ZC2HC1B: variants seen among roughly 807,000 people sequenced by gnomAD.
ZC2HC1B encodes zinc finger C2HC-type containing 1B.
Under a neutral mutation model 31.0 loss-of-function variants are expected in ZC2HC1B, and 36 were observed. The ratio of observed to expected loss-of-function variants is 1.16; its 90% CI spans 0.89 to 1.54. The LOEUF (loss-of-function observed/expected upper bound fraction) is 1.54. ZC2HC1B is among the 40% of genes most tolerant of loss of function. The pLI is 0.00. For missense variants in ZC2HC1B, 260 were observed against 268.6 expected, an observed-to-expected ratio of 0.97 and a Z score of 0.22; for synonymous variants, 73 against 88.0, an observed-to-expected ratio of 0.83 and a Z score of 0.95.
chr6:143,886,808 A>G lies in ZC2HC1B; in HGVS notation c.336A>G (p.Pro112=). The G allele has an allele frequency of 6.5e-7, 1 of 1,531,714 alleles. No homozygotes were observed. 94.9% of individuals were successfully genotyped at this position (1,531,714 alleles called of 1,614,324 possible). Residue 112 remains proline (P), a synonymous_variant, in exon 4 of 8, where the codon CCA becomes CCG. Coordinates refer to ENST00000237275, the MANE Select transcript of ZC2HC1B (RefSeq NM_001013623.3). The surrounding 1 kb of genome is among the most constrained non-coding windows in gnomAD (Gnocchi z 4.2). The part of the protein sequence containing the change: ...EGRPLPPPPP[P]SLNPDYIQRP... ...GACCCCTCCCACCTCCACCCCCTCC[A>G]TCCTTGAACCCAGGTGTGTAGACAT...
chr6:143,923,159 T>C lies in ZC2HC1B; in HGVS notation c.599-14490T>C, dbSNP rs1020344525. Reference sequence around the variant, plus strand: ...CCTGTTGTCCATTTTTAAGTCCTTTTTTTTTTCCCTGTAACCAGGGGTGAG... The same window carrying C: ...CCTGTTGTCCATTTTTAAGTCCTTTCTTTTTTCCCTGTAACCAGGGGTGAG... On this transcript the variant is annotated intron_variant, in intron 6 of 7. Coordinates refer to ENST00000237275, the MANE Select transcript of ZC2HC1B (RefSeq NM_001013623.3). This position sits in a 1 kb window ranked among gnomAD's most constrained non-coding sequence, Gnocchi z 4.8. Among the ~76,000 whole-genome samples the C allele has an allele frequency of 1.3e-5, 2 of 152,130 alleles. No homozygotes were observed. Among genetic ancestry groups the C allele is most frequent in the Admixed American group, 1.3e-4 (2 of 15,270 alleles).
chr6:143,909,530 CTT>C (rs573480397), intron 6 of ZC2HC1B, among the ~76,000 whole-genome samples: 22 of 127,190 alleles, frequency 1.7e-4, no homozygotes, highest in Admixed American at 3.1e-4. Flanking sequence ...TGGTCCTGGG[CTT>C]TTTTTTTTTT....
intron 4 of ZC2HC1B, among the ~76,000 whole-genome samples, chr6:143,894,019 A>G (rs1446353454): frequency 6.6e-6 from 1 of 152,210 alleles, no homozygotes; most frequent in African/African-American, 2.4e-5. Context: ...TTAAACATAC[A>G]CTTAGCCTAT....
rs1456356043 is a variant in ZC2HC1B at position 143,919,263 on chromosome 6, G to GTA, written c.598+16112_598+16113insAT. Among the ~76,000 whole-genome samples the GTA allele has an allele frequency of 3.6e-3, 510 of 141,992 alleles. 2 individuals carry two copies. The highest frequency in any genetic ancestry group is 4.5e-3 in the Non-Finnish European group (288 of 63,542). 93.2% of individuals were successfully genotyped at this position (141,992 alleles called of 152,430 possible). ...TGTGTGTGTGTGTGTGTGTGTGTGTGTGTATGTGACTGTCTCTGTGCCAAG... is the reference window on the plus strand; with the variant it reads ...TGTGTGTGTGTGTGTGTGTGTGTGTGTATGTATGTGACTGTCTCTGTGCCAAG... On this transcript the variant is annotated intron_variant, in intron 6 of 7. Transcript: ENST00000237275.
Position 143,913,215 on chromosome 6 carries a change from C to T in ZC2HC1B, c.598+10063C>T, listed in dbSNP as rs754927875. ...TGCAGGCAGGTGTGGCTGGAGTGTCCAGCTAGAAGGTTCTACCCAGTGAGG... is the reference window on the plus strand; with the variant it reads ...TGCAGGCAGGTGTGGCTGGAGTGTCTAGCTAGAAGGTTCTACCCAGTGAGG... On this transcript the variant is annotated intron_variant, in intron 6 of 7. Transcript: ENST00000237275. The surrounding 1 kb of genome is among the most constrained non-coding windows in gnomAD (Gnocchi z 5.7). Among the ~76,000 whole-genome samples, 14 of 152,138 alleles carry T rather than the reference C, an allele frequency of 9.2e-5. No homozygotes were observed. The highest frequency in any genetic ancestry group is 1.9e-4 in the Non-Finnish European group (13 of 68,014).
rs527642776 is a variant in ZC2HC1B at position 143,887,162 on chromosome 6, T to TC, written c.349+343dup. Among the ~76,000 whole-genome samples the TC allele has an allele frequency of 3.4e-3, 521 of 152,190 alleles. 2 individuals are homozygous for TC. Among genetic ancestry groups the TC allele is most frequent in the African/African-American group, 0.012 (493 of 41,504 alleles). On this transcript the variant is annotated intron_variant, in intron 4 of 7. Transcript: ENST00000237275. The surrounding 1 kb of genome is among the most constrained non-coding windows in gnomAD (Gnocchi z 5.1). ...CAGATACCCACAGCAATTTTTTTTT[T>TC]CCAGGTAAAATTCCCAAAACATGAA...
Position 143,915,009 on chromosome 6 carries a change from G to C in ZC2HC1B, c.598+11857G>C, listed in dbSNP as rs1777900861. Among the ~76,000 whole-genome samples the C allele has an allele frequency of 6.6e-6, 1 of 152,170 alleles. No homozygotes were observed. Among genetic ancestry groups the C allele is most frequent in the African/African-American group, 2.4e-5 (1 of 41,428 alleles). ...CATTTCAAGTAATTACTGATAAGGA[G>C]AGACATTTGTCATTCTGGTATATGT... On this transcript the variant is annotated intron_variant, in intron 6 of 7. Transcript: ENST00000237275. This position sits in a 1 kb window ranked among gnomAD's most constrained non-coding sequence, Gnocchi z 5.2.
intron 5 of ZC2HC1B, among the ~76,000 whole-genome samples, chr6:143,902,063 C>T (rs1384026877): frequency 2.6e-5 from 4 of 152,134 alleles, no homozygotes; most frequent in Admixed American, 6.5e-5. Context: ...CCCCACTCCT[C>T]TCCTTGTTTT....
Position 143,884,415 on chromosome 6 carries a change from T to C in ZC2HC1B, c.90+50T>C, listed in dbSNP as rs969118213. ...TGTGTTTCATTGGACTTAAATGAACTGTCAAGTCAGTGAGGAGGCGGCAGT... is the reference window on the plus strand; with the variant it reads ...TGTGTTTCATTGGACTTAAATGAACCGTCAAGTCAGTGAGGAGGCGGCAGT... On this transcript the variant is annotated intron_variant, in intron 2 of 7. Coordinates refer to ENST00000237275, the MANE Select transcript of ZC2HC1B (RefSeq NM_001013623.3). The surrounding 1 kb of genome is among the most constrained non-coding windows in gnomAD (Gnocchi z 5.1). 1.1e-5 allele frequency: 17 copies of C among 1,485,266 alleles called. No individual in the cohort carries two copies. The highest frequency in any genetic ancestry group is 1.7e-4 in the Middle Eastern group (1 of 5,782). 92.0% of individuals were successfully genotyped at this position (1,485,266 alleles called of 1,614,324 possible).
chr6:143,898,706 C>T lies in ZC2HC1B; in HGVS notation c.489+15C>T. 1 of 1,551,870 alleles carries T rather than the reference C, an allele frequency of 6.4e-7. No individual in the cohort carries two copies. ...CCAGAGCTCAGGTAACTATCTCTCC[C>T]CAGGTGTTGGCTCTTGTGCCCTTGA... On this transcript the variant is annotated intron_variant, in intron 5 of 7. Coordinates refer to ENST00000237275, the MANE Select transcript of ZC2HC1B (RefSeq NM_001013623.3).
chr6:143,891,705 AAAAG>A (rs1273926370), intron 4 of ZC2HC1B, among the ~76,000 whole-genome samples: 6 of 152,040 alleles, frequency 3.9e-5, no homozygotes, highest in East Asian at 1.9e-4. Context: ...AAAAAAAAAA[AAAAG>A]AAAGAAAAAA....
chr6:143,891,130 C>CAAA (rs537109022), intron 4 of ZC2HC1B, among the ~76,000 whole-genome samples: 1 of 77,814 alleles, frequency 1.3e-5, no homozygotes. Flanking sequence ...GACTCCATCT[C>CAAA]AAAAAAAAAA....
In ZC2HC1B at chr6:143,898,563, C is replaced by T. The variant is rs114574606; in HGVS notation, c.361C>T (p.Arg121Cys). ...PPSLNPDYIQ[R>C]PYCMRRFNES... The stretch of plus-strand genomic sequence containing the variant: ...ATCTTTACATTCAGATTATATTCAA[C>T]GTCCATATTGTATGAGAAGGTTTAA... Residue 121 changes from arginine to cysteine, a missense_variant, in exon 5 of 8, where the codon CGT becomes TGT. By Grantham distance (180) the Arg-to-Cys change is radical. Transcript: ENST00000237275. 147 of 1,551,616 alleles carry T rather than the reference C, an allele frequency of 9.5e-5. 1 individual carries two copies. In the African/African-American group the frequency reaches 1.7e-3, roughly 18 times the overall value.
intron 6 of ZC2HC1B, among the ~76,000 whole-genome samples, chr6:143,916,413 G>C (rs1432241641): frequency 1.3e-5 from 2 of 152,338 alleles, no homozygotes; most frequent in East Asian, 3.9e-4. Flanking sequence ...TGTGGGGTCA[G>C]AGCCCCCACA....
At chr6:143,898,361 G>A (rs574200574) in intron 4 of ZC2HC1B, among the ~76,000 whole-genome samples, 191 bp from the exon 5 acceptor site, 57 of 151,990 alleles carry the variant, frequency 3.8e-4, no homozygotes, top group Middle Eastern at 3.4e-3. Flanking sequence ...GGGTTTTGCC[G>A]TGTTGCCCAG....
chr6:143,925,630 G>T (rs185037342), intron 6 of ZC2HC1B, among the ~76,000 whole-genome samples: 35 of 148,424 alleles, frequency 2.4e-4, no homozygotes, highest in Non-Finnish European at 4.9e-4. Context: ...TCCGCCTCCC[G>T]TGCTCAAGCA....
rs1253544030 is a variant in ZC2HC1B, at chr6:143,872,691, G to C, written c.28+8124G>C. ...AGAAGGCAAAAGGCACTACTTACATGGTGGCAGCAAGAGAAAATGAGGAAA... is the reference window on the plus strand; with the variant it reads ...AGAAGGCAAAAGGCACTACTTACATCGTGGCAGCAAGAGAAAATGAGGAAA... On this transcript the variant is annotated intron_variant, in intron 1 of 7. Coordinates refer to ENST00000237275, the MANE Select transcript of ZC2HC1B (RefSeq NM_001013623.3). This position sits in a 1 kb window ranked among gnomAD's most constrained non-coding sequence, Gnocchi z 5.5. Among the ~76,000 whole-genome samples, 1 of 152,116 alleles carries C rather than the reference G, an allele frequency of 6.6e-6. No individual in the cohort carries two copies. The highest frequency in any genetic ancestry group is 1.5e-5 in the Non-Finnish European group (1 of 68,020).
rs865871230 is a variant in ZC2HC1B at position 143,923,506 on chromosome 6, A to G, written c.599-14143A>G. 2.0e-5 allele frequency among the ~76,000 whole-genome samples: 3 copies of G among 152,110 alleles called. No homozygotes were observed. Among genetic ancestry groups the G allele is most frequent in the African/African-American group, 7.2e-5 (3 of 41,510 alleles). Reference sequence around the variant, plus strand: ...TTTTGTTGCCTGTGCTTTTGAAGTCATGGCCACAAATTTTTTGCCTAGACC... The same window carrying G: ...TTTTGTTGCCTGTGCTTTTGAAGTCGTGGCCACAAATTTTTTGCCTAGACC... On this transcript the variant is annotated intron_variant, in intron 6 of 7. Transcript: ENST00000237275. The surrounding 1 kb of genome is among the most constrained non-coding windows in gnomAD (Gnocchi z 4.8).
At chr6:143,926,246 A>G (rs1778040824) in intron 6 of ZC2HC1B, among the ~76,000 whole-genome samples, 1 of 152,148 alleles carries the variant, frequency 6.6e-6, no homozygotes, top group South Asian at 2.1e-4. Context: ...ACTTCTTGAT[A>G]TACGCATTTA....
Sources: allele counts gnomAD v4.1 joint callset (sites outside exome capture counted in the v4.1 genomes callset), GRCh38; gene constraint gnomAD v4.1.1; non-coding constraint Gnocchi (gnomAD v3.1); transcripts MANE v1.5; gene names NCBI Gene and HGNC (gene_info 2026-07-23, HGNC 2026-07-21).